Variants in TMPRSS11E observed in about 807,000 individuals in gnomAD.
TMPRSS11E encodes transmembrane serine protease 11E, also known as transmembrane protease serine 11E.
Under a neutral mutation model 48.1 loss-of-function variants are expected in TMPRSS11E, and 38 were observed. The ratio of observed to expected loss-of-function variants is 0.79; its 90% CI spans 0.61 to 1.04. TMPRSS11E has a LOEUF of 1.04. TMPRSS11E is among the 50% of genes least tolerant of loss of function. The pLI is 0.00. For missense variants in TMPRSS11E, 530 were observed against 510.8 expected (o/e 1.04, Z -0.36); for synonymous variants, 158 against 171.9 (o/e 0.92, Z 0.63).
At chr4:68,487,941 CAA>C (rs56299530) in intron 9 of TMPRSS11E, among the ~76,000 whole-genome samples, 6,581 of 89,550 alleles carry the variant, frequency 0.073, 98 homozygotes, top group African/African-American at 0.1. Context: ...GACTCTGTCT[CAA>C]AAAAAAAAAA....
intron 1 of TMPRSS11E, among the ~76,000 whole-genome samples, chr4:68,453,848 C>T (rs751680207): frequency 7.2e-5 from 11 of 151,958 alleles, no homozygotes; most frequent in Non-Finnish European, 1.3e-4. Context: ...GGAATCTAGT[C>T]TCCTACTATT....
chr4:68,476,047 C>A (rs1173747532), intron 6 of TMPRSS11E, among the ~76,000 whole-genome samples: 3 of 151,950 alleles, frequency 2.0e-5, no homozygotes, highest in Non-Finnish European at 2.9e-5. Flanking sequence ...AGAAAGCATC[C>A]TAGAGAGGTA....
chr4:68,478,481 G>A (rs1202084518), intron 8 of TMPRSS11E, among the ~76,000 whole-genome samples: 1 of 83,152 alleles, frequency 1.2e-5, no homozygotes, highest in African/African-American at 4.2e-5. Flanking sequence ...TTAAGATGGG[G>A]CTTCTTTCTG....
chr4:68,451,253 T>A (rs1365399215), intron 1 of TMPRSS11E, among the ~76,000 whole-genome samples: 3 of 151,916 alleles, frequency 2.0e-5, no homozygotes, highest in Non-Finnish European at 2.9e-5. Context: ...CTCCTTTGGA[T>A]CTGCTCTCAT....
intron 7 of TMPRSS11E, 43 bp downstream of exon 7, chr4:68,476,481 C>T: frequency 1.3e-6 from 2 of 1,544,122 alleles, no homozygotes; most frequent in South Asian, 1.2e-5. Flanking sequence ...GAACAAAGTG[C>T]ACTGGGTTTT....
Position 68,463,946 on chromosome 4 carries a change from G to T in TMPRSS11E, c.136+2001G>T, listed in dbSNP as rs532326318. ...AAATGTCCCTTTCTACTTCTCATTTGCCTCTTCCCAAGCCAAGTTTTATAA... is the reference window on the plus strand; with the variant it reads ...AAATGTCCCTTTCTACTTCTCATTTTCCTCTTCCCAAGCCAAGTTTTATAA... On this transcript the variant is annotated intron_variant, in intron 2 of 9. Coordinates refer to ENST00000305363, the MANE Select transcript of TMPRSS11E (RefSeq NM_014058.4). 2.7e-4 allele frequency among the ~76,000 whole-genome samples: 41 copies of T among 152,210 alleles called. 1 individual carries two copies. The South Asian group carries it at 7.9e-3, about 29-fold the overall frequency.
At chr4:68,495,822 G>A (rs1729850032) in intron 9 of TMPRSS11E, among the ~76,000 whole-genome samples, 1 of 151,976 alleles carries the variant, frequency 6.6e-6, no homozygotes, top group Admixed American at 6.6e-5. Context: ...CTAGTTCTAT[G>A]TTTTTTGTAA....
At chr4:68,463,919 G>GA (rs1228541084) in intron 2 of TMPRSS11E, among the ~76,000 whole-genome samples, 2 of 152,186 alleles carry the variant, frequency 1.3e-5, no homozygotes, top group Non-Finnish European at 2.9e-5. Context: ...CTCAGTGAGA[G>GA]AAAATGTCCC....
rs560721427 is a variant in TMPRSS11E, at chr4:68,469,550, C to T, written c.326+604C>T. Among the ~76,000 whole-genome samples, 9 of 151,910 alleles carry T rather than the reference C, an allele frequency of 5.9e-5. No individual in the cohort carries two copies. In the South Asian group the frequency reaches 1.5e-3, roughly 25 times the overall value. Reference sequence around the variant, plus strand: ...CCAATGACAAAACTTTAAAAGTTTCCTGCCATTCTATTACTTAGCTGATAT... The same window carrying T: ...CCAATGACAAAACTTTAAAAGTTTCTTGCCATTCTATTACTTAGCTGATAT... On this transcript the variant is annotated intron_variant, in intron 4 of 9. Coordinates refer to ENST00000305363, the MANE Select transcript of TMPRSS11E (RefSeq NM_014058.4).
intron 9 of TMPRSS11E, among the ~76,000 whole-genome samples, chr4:68,486,116 A>G (rs1466450092): frequency 6.6e-6 from 1 of 151,792 alleles, no homozygotes; most frequent in Non-Finnish European, 1.5e-5. Flanking sequence ...GATCTTTTAT[A>G]TGGATTTTTG....
intron 9 of TMPRSS11E, among the ~76,000 whole-genome samples, chr4:68,484,584 G>A (rs1408560667): frequency 6.6e-6 from 1 of 152,010 alleles, no homozygotes; most frequent in African/African-American, 2.4e-5. Flanking sequence ...CTGGGATTAC[G>A]GGCATCAGCC....
intron 2 of TMPRSS11E, among the ~76,000 whole-genome samples, chr4:68,463,284 A>G (rs1728842904): frequency 6.6e-6 from 1 of 152,112 alleles, no homozygotes; most frequent in Non-Finnish European, 1.5e-5. Context: ...CATATTAATA[A>G]CAGATTTTTC....
rs200962479 is a variant in TMPRSS11E at position 68,496,691 on chromosome 4, T to C, written c.1159T>C (p.Tyr387His). The change falls in exon 10 of 10, where the codon TAC (tyrosine) becomes CAC (histidine). Residue 387 changes from tyrosine (Y) to histidine (H), a missense_variant. Physicochemically the swap from Tyr to His is moderately conservative, Grantham distance 83 (BLOSUM62 2). Coordinates refer to ENST00000305363, the MANE Select transcript of TMPRSS11E (RefSeq NM_014058.4). ...LVSSDARDIW[Y>H]LAGIVSWGDE... ...TAGTTCAGATGCTAGAGATATCTGGTACCTTGCTGGAATAGTGAGCTGGGG... is the reference window on the plus strand; with the variant it reads ...TAGTTCAGATGCTAGAGATATCTGGCACCTTGCTGGAATAGTGAGCTGGGG... 123 of 1,613,550 alleles carry C rather than the reference T, an allele frequency of 7.6e-5. No individual in the cohort carries two copies. The highest frequency in any genetic ancestry group is 9.6e-5 in the Non-Finnish European group (113 of 1,179,672).
chr4:68,478,836 T>A lies in TMPRSS11E; in HGVS notation c.968-13T>A. 6.2e-7 allele frequency: 1 copy of A among 1,610,608 alleles called. No homozygotes were observed. Among genetic ancestry groups the A allele is most frequent in the South Asian group, 1.1e-5 (1 of 90,622 alleles). On this transcript the variant is annotated splice_polypyrimidine_tract_variant and intron_variant, in intron 8 of 9. Transcript: ENST00000305363. ...TGTATGTCTACAAATACAAAGACTT[T>A]TTTTTCTTTTAGGTTACAGTCAAAA...
chr4:68,473,642 C>A (rs1288957795), intron 5 of TMPRSS11E, among the ~76,000 whole-genome samples: 1 of 152,022 alleles, frequency 6.6e-6, no homozygotes, highest in Non-Finnish European at 1.5e-5. Flanking sequence ...TGAGCAATAG[C>A]AGAGCATTGT....
intron 1 of TMPRSS11E, among the ~76,000 whole-genome samples, chr4:68,456,747 A>G (rs1314579144): frequency 6.6e-6 from 1 of 152,166 alleles, no homozygotes; most frequent in Non-Finnish European, 1.5e-5. Flanking sequence ...CTCAGAAATA[A>G]TGCCACACAT....
At chr4:68,448,864 G>C (rs1728418377) in intron 1 of TMPRSS11E, among the ~76,000 whole-genome samples, 1 of 151,802 alleles carries the variant, frequency 6.6e-6, no homozygotes, top group African/African-American at 2.4e-5. Context: ...AAAATGTTAA[G>C]AGCATGTACT....
chr4:68,451,751 T>C (rs923712389), intron 1 of TMPRSS11E, among the ~76,000 whole-genome samples: 2 of 151,898 alleles, frequency 1.3e-5, no homozygotes, highest in Admixed American at 6.6e-5. Context: ...CAACCTATGG[T>C]TATATTATCA....
At position 68,447,465 on chromosome 4, in the gene TMPRSS11E, T is replaced by C; in HGVS notation, c.-48T>C. On this transcript the variant is annotated 5_prime_UTR_variant, in exon 1 of 10. Coordinates refer to ENST00000305363, the MANE Select transcript of TMPRSS11E (RefSeq NM_014058.4). Reference sequence around the variant, plus strand: ...CATTGATAGAGCTGGATTCACACACTTGGATGTAGACCTCGACCTTCACAG... The same window carrying C: ...CATTGATAGAGCTGGATTCACACACCTGGATGTAGACCTCGACCTTCACAG... The C allele has an allele frequency of 6.3e-7, 1 of 1,599,392 alleles. No homozygotes were observed. Among genetic ancestry groups the C allele is most frequent in the Middle Eastern group, 1.7e-4 (1 of 6,004 alleles).
Sources: allele counts gnomAD v4.1 joint callset (sites outside exome capture counted in the v4.1 genomes callset), GRCh38; gene constraint gnomAD v4.1.1; transcripts MANE v1.5; gene names NCBI Gene and HGNC (gene_info 2026-07-23, HGNC 2026-07-21).